The following PPP3CB variants were observed in gnomAD, a reference collection of about 807,000 sequenced individuals.
PPP3CB encodes the protein serine/threonine-protein phosphatase 2B catalytic subunit beta isoform.
In PPP3CB, 8 loss-of-function variants were observed where a neutral mutation model predicts 66.4. The ratio of observed to expected loss-of-function variants is 0.12; its 90% CI spans 0.07 to 0.22. The LOEUF is 0.22. Ranked by LOEUF, PPP3CB falls within the 10% of genes least tolerant of loss-of-function variation. The pLI, the probability that PPP3CB is intolerant of heterozygous loss-of-function variation, is 1.00. For synonymous variants in PPP3CB, 208 were observed against 221.2 expected (o/e 0.94, Z 0.53); for missense variants, 319 against 642.5 (o/e 0.50, Z 5.44).
At chr10:73,489,482 T>C (rs1036684825) in intron 1 of PPP3CB, among the ~76,000 whole-genome samples, 1 of 152,028 alleles carries the variant, frequency 6.6e-6, no homozygotes, top group Admixed American at 6.5e-5. Context: ...GGCCAGGAAC[T>C]GTGGTACCTA....
chr10:73,466,441 C>T (rs2056618834), intron 9 of PPP3CB, among the ~76,000 whole-genome samples: 1 of 152,140 alleles, frequency 6.6e-6, no homozygotes, highest in Non-Finnish European at 1.5e-5. Flanking sequence ...AGCCTGAAGG[C>T]AGGAGAGTGA....
At chr10:73,473,980 A>G (rs1437964741) in intron 4 of PPP3CB, among the ~76,000 whole-genome samples, 6 of 152,116 alleles carry the variant, frequency 3.9e-5, no homozygotes, top group Non-Finnish European at 8.8e-5. Context: ...AAGGACAAAA[A>G]TCTCCAATGC....
rs2133075643 is a variant in PPP3CB at position 73,495,732 on chromosome 10, G to A, written c.85+73C>T. On this transcript the variant is annotated intron_variant, in intron 1 of 13. Transcript: ENST00000360663. ...GCCCTTCCGGGCCCACTCCCGAGGG[G>A]ACGGTCTCCCGCCCGCCCTCACACA... 2.6e-6 allele frequency: 4 copies of A among 1,517,016 alleles called. 1 individual carries two copies. The highest frequency in any genetic ancestry group is 2.3e-5 in the South Asian group (2 of 86,940). 94.0% of individuals were successfully genotyped at this position (1,517,016 alleles called of 1,614,324 possible).
chr10:73,470,818 T>C (rs370126230), intron 7 of PPP3CB, 37 bp from the exon 8 acceptor site: 59 of 1,586,350 alleles, frequency 3.7e-5, no homozygotes, highest in Non-Finnish European at 5.0e-5. Flanking sequence ...TCGTAAAGCA[T>C]CAATCATGGT....
intron 9 of PPP3CB, among the ~76,000 whole-genome samples, chr10:73,455,277 T>C (rs933628839): frequency 2.1e-4 from 32 of 152,374 alleles, no homozygotes; most frequent in African/African-American, 5.8e-4. Context: ...GGCTCTTTCA[T>C]AGGCTTAATC....
chr10:73,444,612 A>G, intron 12 of PPP3CB, 113 bp downstream of exon 12: 1 of 1,557,538 alleles, frequency 6.4e-7, no homozygotes. Context: ...AGCTGCTGAG[A>G]CAGGAACTAA....
At chr10:73,474,827 T>C (rs2056763251) in intron 4 of PPP3CB, 92 bp downstream of exon 4, 1 of 1,503,076 alleles carries the variant, frequency 6.7e-7, no homozygotes, top group Non-Finnish European at 8.9e-7. Flanking sequence ...TGTCCTTACA[T>C]GTTGCACTGT....
intron 12 of PPP3CB, among the ~76,000 whole-genome samples, chr10:73,443,234 CAG>C (rs373651384): frequency 2.4e-4 from 24 of 100,976 alleles, no homozygotes; most frequent in Non-Finnish European, 1.8e-4. Flanking sequence ...AAAAGAAAGA[CAG>C]AGAGAGAGAG....
At chr10:73,458,142 G>A (rs1255938739) in intron 9 of PPP3CB, among the ~76,000 whole-genome samples, 2 of 152,042 alleles carry the variant, frequency 1.3e-5, no homozygotes, top group Admixed American at 6.6e-5. Flanking sequence ...AAAATGTTTT[G>A]TTTTATTTTT....
At chr10:73,494,870 G>A (rs1418074648) in intron 1 of PPP3CB, among the ~76,000 whole-genome samples, 2 of 152,148 alleles carry the variant, frequency 1.3e-5, no homozygotes, top group Non-Finnish European at 2.9e-5. Flanking sequence ...ACATGGTAAA[G>A]AGAATCATTT....
At chr10:73,438,471 A>G in intron 13 of PPP3CB, 51 bp from the exon 14 acceptor site, 2 of 1,469,552 alleles carry the variant, frequency 1.4e-6, no homozygotes, top group Non-Finnish European at 1.9e-6. Context: ...CATTTCTGAG[A>G]TTTCAAAAAC....
At chr10:73,457,505 G>A (rs78913911) in intron 9 of PPP3CB, among the ~76,000 whole-genome samples, 3,182 of 152,012 alleles carry the variant, frequency 0.021, 103 homozygotes, top group African/African-American at 0.071. Context: ...TCAGGAGGCT[G>A]AGCAGGTGGA....
intron 9 of PPP3CB, among the ~76,000 whole-genome samples, chr10:73,459,256 A>C (rs1225984142): frequency 6.6e-6 from 1 of 152,248 alleles, no homozygotes; most frequent in African/African-American, 2.4e-5. Flanking sequence ...TGGGAGGCCG[A>C]GGCGGGTGGA....
intron 10 of PPP3CB, among the ~76,000 whole-genome samples, chr10:73,451,601 G>A (rs1019722843): frequency 6.6e-6 from 1 of 151,624 alleles, no homozygotes; most frequent in African/African-American, 2.4e-5. Flanking sequence ...AGGAAGGAAG[G>A]AAGGAAAAAC....
intron 2 of PPP3CB, 41 bp downstream of exon 2, chr10:73,479,276 T>C (rs757836069): frequency 1.9e-6 from 3 of 1,557,802 alleles, no homozygotes; most frequent in Non-Finnish European, 2.7e-6. Context: ...AACTAAATAA[T>C]GACATAATAA....
chr10:73,451,598 A>T (rs188892761), intron 10 of PPP3CB, among the ~76,000 whole-genome samples: 1 of 151,984 alleles, frequency 6.6e-6, no homozygotes, highest in East Asian at 1.9e-4. Flanking sequence ...AGAAGGAAGG[A>T]AGGAAGGAAA....
intron 3 of PPP3CB, among the ~76,000 whole-genome samples, chr10:73,477,746 T>C (rs529540423): frequency 7.2e-5 from 11 of 152,112 alleles, no homozygotes; most frequent in South Asian, 4.1e-4. Flanking sequence ...GGAAACTCCA[T>C]TGCTACAAAA....
At chr10:73,464,608 T>C (rs1170803742) in intron 9 of PPP3CB, among the ~76,000 whole-genome samples, 1 of 152,218 alleles carries the variant, frequency 6.6e-6, no homozygotes, top group African/African-American at 2.4e-5. Flanking sequence ...CCATAACTTT[T>C]ATCAGATTCT....
At chr10:73,485,489 T>C (rs114191257) in intron 1 of PPP3CB, among the ~76,000 whole-genome samples, 2 of 152,298 alleles carry the variant, frequency 1.3e-5, no homozygotes, top group South Asian at 4.1e-4. Context: ...CTGTGCCAAG[T>C]GAATAACTTG....
Sources: gnomAD v4.1 joint callset for allele counts (sites outside exome capture counted in the v4.1 genomes callset) on GRCh38, gnomAD v4.1.1 for gene constraint, MANE v1.5 for transcripts, NCBI Gene and HGNC (gene_info 2026-07-23, HGNC 2026-07-21) for gene names.